The following LRMDA variants were observed in gnomAD, a reference collection of about 807,000 sequenced individuals.
LRMDA encodes the protein leucine rich melanocyte differentiation associated.
LRMDA carries 18 observed loss-of-function variants against 29.8 expected under a neutral mutation model. The observed-to-expected ratio is 0.60, with a 90% CI of 0.42 to 0.90. The LOEUF (loss-of-function observed/expected upper bound fraction) is 0.90, where lower values mean the gene tolerates loss of function less well. Among genes scored for constraint, LRMDA ranks in the 40% least tolerant of loss-of-function variants. The pLI, the probability that LRMDA is intolerant of heterozygous loss-of-function variation, is 0.00. For synonymous variants in LRMDA, 125 were observed against 109.4 expected, an observed-to-expected ratio of 1.14 and a Z score of -0.89; for missense variants, 273 against 273.9, an observed-to-expected ratio of 1.00 and a Z score of 0.02.
intron 2 of LRMDA, among the ~76,000 whole-genome samples, chr10:75,972,323 C>T (rs578133132): frequency 1.5e-3 from 225 of 151,988 alleles, no homozygotes; most frequent in Non-Finnish European, 2.5e-3. Context: ...GAAAACCTCT[C>T]CTTAACCCCA....
chr10:76,492,837 GAC>G (rs1842847021), intron 6 of LRMDA, among the ~76,000 whole-genome samples: 2 of 151,974 alleles, frequency 1.3e-5, no homozygotes, highest in African/African-American at 4.8e-5. Context: ...ACTATCATGA[GAC>G]ACAGCATGGG....
intron 2 of LRMDA, among the ~76,000 whole-genome samples, chr10:75,916,647 A>C (rs533178521): frequency 6.6e-6 from 1 of 152,296 alleles, no homozygotes; most frequent in African/African-American, 2.4e-5. Context: ...CATACAGTGA[A>C]GGGAAGTAAC....
At position 76,479,671 on chromosome 10, in the gene LRMDA, C is replaced by T. The variant is rs114440924; in HGVS notation, c.602-77538C>T. 5.1e-3 allele frequency among the ~76,000 whole-genome samples: 779 copies of T among 151,932 alleles called. 10 individuals are homozygous for T. Among genetic ancestry groups the T allele is most frequent in the African/African-American group, 0.018 (751 of 41,480 alleles). Reference sequence around the variant, plus strand: ...GCAATTTTTAACTAGCTTACTAGAACCTAATCTGAAATGTTCAAGAATAGT... The same window carrying T: ...GCAATTTTTAACTAGCTTACTAGAATCTAATCTGAAATGTTCAAGAATAGT... On this transcript the variant is annotated intron_variant, in intron 6 of 6. Transcript: ENST00000611255.
intron 6 of LRMDA, among the ~76,000 whole-genome samples, chr10:76,394,107 A>G (rs149686589): frequency 6.6e-6 from 1 of 152,344 alleles, no homozygotes; most frequent in African/African-American, 2.4e-5. Context: ...GTGCAGCCAG[A>G]ATGAACAAGG....
chr10:76,098,173 A>G (rs1210320730), intron 5 of LRMDA, among the ~76,000 whole-genome samples: 1 of 152,170 alleles, frequency 6.6e-6, no homozygotes, highest in Non-Finnish European at 1.5e-5. Flanking sequence ...ACGTTATACA[A>G]TGAATTTAAA....
intron 6 of LRMDA, among the ~76,000 whole-genome samples, chr10:76,522,087 C>A (rs551242945): frequency 2.0e-5 from 3 of 152,292 alleles, no homozygotes; most frequent in African/African-American, 7.2e-5. Context: ...CCAAACCTCA[C>A]TTGTAGGGGT....
At chr10:76,320,667 T>A (rs1280086947) in intron 5 of LRMDA, among the ~76,000 whole-genome samples, 1 of 152,218 alleles carries the variant, frequency 6.6e-6, no homozygotes, top group Non-Finnish European at 1.5e-5. Context: ...AGAAAACTTT[T>A]AAAAATAATG....
chr10:75,818,046 CACA>C (rs1395898450), intron 2 of LRMDA, among the ~76,000 whole-genome samples: 2 of 152,182 alleles, frequency 1.3e-5, no homozygotes, highest in African/African-American at 4.8e-5. Context: ...TGCAGGTGGA[CACA>C]ACAAGATCTG....
intron 5 of LRMDA, among the ~76,000 whole-genome samples, chr10:76,140,002 T>A (rs1392077224): frequency 6.6e-6 from 1 of 152,102 alleles, no homozygotes; most frequent in East Asian, 1.9e-4. Context: ...TTTCTGACCC[T>A]GTTTGTGTCA....
rs138436511 is a variant in LRMDA, at chr10:75,599,766, G to A, written c.131+161272G>A. Among the ~76,000 whole-genome samples, 72 of 152,292 alleles carry A rather than the reference G, an allele frequency of 4.7e-4. 1 individual carries two copies. Among genetic ancestry groups the A allele is most frequent in the African/African-American group, 1.5e-3 (61 of 41,558 alleles). On this transcript the variant is annotated intron_variant, in intron 2 of 6. Transcript: ENST00000611255. The stretch of plus-strand genomic sequence containing the variant: ...ATGTGGGTACTGTGACTGAGGAACC[G>A]AATTTTAAATTTTATTTGCTTTTAA...
rs540472340 is a variant in LRMDA at position 75,642,175 on chromosome 10, G to A, written c.131+203681G>A. 1.6e-4 allele frequency among the ~76,000 whole-genome samples: 25 copies of A among 152,308 alleles called. 1 individual carries two copies. In the South Asian group the frequency reaches 4.4e-3, roughly 27 times the overall value. On this transcript the variant is annotated intron_variant, in intron 2 of 6. Transcript: ENST00000611255. ...AAGTTTATCTTGGTGTGAGGCTCAC[G>A]TGGAAAGATATGAAAAGAAGAAAAG...
chr10:75,839,112 A>T (rs530275074), intron 2 of LRMDA, among the ~76,000 whole-genome samples: 95 of 152,238 alleles, frequency 6.2e-4, no homozygotes, highest in Non-Finnish European at 9.8e-4. Flanking sequence ...AGCAGTTGTC[A>T]TTTGTTAAAG....
At chr10:75,991,961 G>A (rs1223887309) in intron 2 of LRMDA, among the ~76,000 whole-genome samples, 1 of 152,204 alleles carries the variant, frequency 6.6e-6, no homozygotes, top group Non-Finnish European at 1.5e-5. Context: ...CCTTCACAGA[G>A]AGCCAAGAAG....
At chr10:75,707,739 C>T (rs1842387220) in intron 2 of LRMDA, among the ~76,000 whole-genome samples, 1 of 152,082 alleles carries the variant, frequency 6.6e-6, no homozygotes, top group African/African-American at 2.4e-5. Context: ...GGCTGGTGGC[C>T]GTGTTGTTTG....
intron 5 of LRMDA, among the ~76,000 whole-genome samples, chr10:76,273,145 A>G (rs1840088601): frequency 6.6e-6 from 1 of 151,064 alleles, no homozygotes; most frequent in African/African-American, 2.5e-5. Flanking sequence ...TGCTACATAT[A>G]TTGTATATAT....
intron 6 of LRMDA, among the ~76,000 whole-genome samples, chr10:76,352,576 A>C (rs1257787379): frequency 2.0e-5 from 3 of 152,022 alleles, no homozygotes. Context: ...AATGGCATGC[A>C]ATTTCAAACT....
chr10:76,264,533 C>T (rs980869391), intron 5 of LRMDA, among the ~76,000 whole-genome samples: 8 of 149,106 alleles, frequency 5.4e-5, no homozygotes, highest in Admixed American at 1.4e-4. Flanking sequence ...ATGTCCACTG[C>T]GAGTATTTCG....
At chr10:75,869,698 C>G (rs1845077436) in intron 2 of LRMDA, among the ~76,000 whole-genome samples, 1 of 152,140 alleles carries the variant, frequency 6.6e-6, no homozygotes, top group African/African-American at 2.4e-5. Flanking sequence ...GAAGTGTGAA[C>G]TCTTCAGGTT....
At chr10:75,531,573 T>C (rs1175775259) in intron 2 of LRMDA, among the ~76,000 whole-genome samples, 1 of 152,166 alleles carries the variant, frequency 6.6e-6, no homozygotes, top group Non-Finnish European at 1.5e-5. Flanking sequence ...CAAAGCCTGG[T>C]TGTAAGTGCC....
Sources: gnomAD v4.1 joint callset for allele counts (sites outside exome capture counted in the v4.1 genomes callset) on GRCh38, gnomAD v4.1.1 for gene constraint, MANE v1.5 for transcripts, NCBI Gene and HGNC (gene_info 2026-07-23, HGNC 2026-07-21) for gene names.